The following CEP112 variants were observed in gnomAD, a reference collection of about 807,000 sequenced individuals.
CEP112 encodes the protein centrosomal protein 112.
Under a neutral mutation model 153.0 loss-of-function variants are expected in CEP112, and 127 were observed. That is an observed-to-expected ratio of 0.83 (90% confidence interval 0.72 to 0.96). The LOEUF (loss-of-function observed/expected upper bound fraction) is 0.96, where lower values mean the gene tolerates loss of function less well. Ranked by LOEUF, CEP112 falls within the 40% of genes least tolerant of loss-of-function variation. The pLI is 0.00. For synonymous variants in CEP112, 358 were observed against 374.4 expected, an observed-to-expected ratio of 0.96 and a Z score of 0.51; for missense variants, 1,089 against 1,101.2, an observed-to-expected ratio of 0.99 and a Z score of 0.16.
At position 65,851,911 on chromosome 17, in the gene CEP112, T is replaced by C. The variant is rs1377635378; in HGVS notation, c.2287A>G (p.Thr763Ala). ...TTGACGACAATCTCATGTTCCCTTG[T>C]AGCCCTTTGCTTTTCCTCTTCACGA... ...LLREEEKQRATREHEIVVNKL... is the reference protein window; with the variant it reads ...LLREEEKQRAAREHEIVVNKL... Residue 763 changes from threonine (T) to alanine (A), a missense_variant, in exon 21 of 27, where the codon ACA becomes GCA. Thr to Ala is a moderately conservative substitution (Grantham distance 58). Coordinates refer to ENST00000535342, the MANE Select transcript of CEP112 (RefSeq NM_001199165.4). 3 of 1,614,192 alleles carry C rather than the reference T, an allele frequency of 1.9e-6. No individual in the cohort carries two copies. The highest frequency in any genetic ancestry group is 1.1e-5 in the South Asian group (1 of 91,086).
At chr17:65,783,775 C>T (rs920842113) in intron 21 of CEP112, among the ~76,000 whole-genome samples, 1 of 152,138 alleles carries the variant, frequency 6.6e-6, no homozygotes, top group Non-Finnish European at 1.5e-5. Context: ...GGCTCTGTTG[C>T]TTTATAGTTG....
At chr17:65,700,335 A>G (rs2048568251) in intron 23 of CEP112, among the ~76,000 whole-genome samples, 2 of 152,192 alleles carry the variant, frequency 1.3e-5, no homozygotes, top group South Asian at 4.1e-4. Flanking sequence ...GAACTATTAC[A>G]ATACCACATG....
intron 20 of CEP112, among the ~76,000 whole-genome samples, chr17:65,901,914 T>C (rs1225724843): frequency 1.5e-5 from 2 of 134,606 alleles, no homozygotes; most frequent in Admixed American, 9.0e-5. Context: ...GGCCAAGTTA[T>C]AGCGCGCCAT....
At chr17:66,186,300 G>A (rs778908982) in intron 1 of CEP112, among the ~76,000 whole-genome samples, 10 of 151,790 alleles carry the variant, frequency 6.6e-5, no homozygotes, top group South Asian at 2.1e-4. Context: ...TTTTCGTTTC[G>A]TTTATTTCTT....
At chr17:65,819,813 G>A (rs1598680445) in intron 21 of CEP112, among the ~76,000 whole-genome samples, 1 of 151,968 alleles carries the variant, frequency 6.6e-6, no homozygotes, top group South Asian at 2.1e-4. Flanking sequence ...GAAAGACAGG[G>A]GAGGTGTCAT....
intron 18 of CEP112, among the ~76,000 whole-genome samples, chr17:65,934,816 TG>T (rs1368600880): frequency 6.6e-6 from 1 of 152,204 alleles, no homozygotes; most frequent in Non-Finnish European, 1.5e-5. Flanking sequence ...GGGCAATTTA[TG>T]AAGGAAAGAC....
intron 21 of CEP112, among the ~76,000 whole-genome samples, chr17:65,768,977 T>C (rs562181950): frequency 3.4e-4 from 52 of 152,012 alleles, no homozygotes; most frequent in Non-Finnish European, 6.9e-4. Context: ...TCAAGCTGGA[T>C]AAAAAAGAAG....
intron 17 of CEP112, among the ~76,000 whole-genome samples, chr17:65,969,568 TACAC>T (rs200654011): frequency 0.066 from 10,021 of 152,240 alleles, 479 homozygotes; most frequent in African/African-American, 0.12. Flanking sequence ...GCATGTATAT[TACAC>T]ACAAGTATAC....
intron 24 of CEP112, 68 bp from the exon 25 acceptor site, chr17:65,641,133 C>T: frequency 2.3e-6 from 2 of 855,226 alleles, no homozygotes; most frequent in South Asian, 1.4e-5. Flanking sequence ...TTAAGAAGTC[C>T]CAGAACAGAT....
intron 24 of CEP112, among the ~76,000 whole-genome samples, chr17:65,678,683 A>C (rs931852423): frequency 3.3e-5 from 5 of 152,164 alleles, no homozygotes; most frequent in Non-Finnish European, 5.9e-5. Context: ...GTCAGTATTC[A>C]TTGCAGGGAC....
At chr17:66,105,781 A>G (rs1362055665) in intron 6 of CEP112, among the ~76,000 whole-genome samples, 1 of 152,170 alleles carries the variant, frequency 6.6e-6, no homozygotes, top group African/African-American at 2.4e-5. Flanking sequence ...TAACAGAGCC[A>G]GACCCCATCT....
At chr17:65,736,090 T>C (rs866247132) in intron 23 of CEP112, among the ~76,000 whole-genome samples, 4 of 152,230 alleles carry the variant, frequency 2.6e-5, no homozygotes, top group South Asian at 2.1e-4. Flanking sequence ...ATAAGGGTGA[T>C]TGTGCTAGGC....
At chr17:65,783,655 G>A (rs1004479426) in intron 21 of CEP112, among the ~76,000 whole-genome samples, 5 of 152,098 alleles carry the variant, frequency 3.3e-5, no homozygotes, top group South Asian at 2.1e-4. Context: ...GAATTACTTC[G>A]CCACTTCATT....
chr17:65,641,701 G>A (rs964562133), intron 24 of CEP112, among the ~76,000 whole-genome samples: 7 of 152,168 alleles, frequency 4.6e-5, no homozygotes, highest in East Asian at 3.9e-4. Context: ...AGCCAAGATC[G>A]GGCCACTGCA....
intron 20 of CEP112, among the ~76,000 whole-genome samples, chr17:65,852,331 TTCCC>T (rs142855916): frequency 0.13 from 9,050 of 68,480 alleles, 989 homozygotes; most frequent in Non-Finnish European, 0.16. Flanking sequence ...TTCCCTTTCC[TTCCC>T]TCCCTCCCTC....
At chr17:65,886,887 A>C (rs550425859) in intron 20 of CEP112, among the ~76,000 whole-genome samples, 1 of 152,302 alleles carries the variant, frequency 6.6e-6, no homozygotes, top group South Asian at 2.1e-4. Context: ...CTATAATATA[A>C]CATTAATGCT....
chr17:65,635,567 T>C lies in CEP112; in HGVS notation c.*404A>G, dbSNP rs974610904. On this transcript the variant is annotated 3_prime_UTR_variant, in exon 27 of 27. Transcript: ENST00000535342. ...AGTACAAAATAATATTTTAATAACA[T>C]AGGAACATGAACATGAAAACAATGT... is the stretch of plus-strand genomic sequence containing the variant. 1.7e-4 allele frequency: 35 copies of C among 200,222 alleles called. No individual in the cohort carries two copies. Among genetic ancestry groups the C allele is most frequent in the African/African-American group, 7.6e-4 (33 of 43,516 alleles). 12.4% of individuals were successfully genotyped at this position (200,222 alleles called of 1,614,324 possible). A position where few individuals can be genotyped will look rare whatever the true frequency, so the allele number is the denominator to read the frequency against.
intron 17 of CEP112, among the ~76,000 whole-genome samples, chr17:65,994,156 T>C (rs1211612630): frequency 1.3e-5 from 2 of 152,086 alleles, no homozygotes; most frequent in Non-Finnish European, 1.5e-5. Flanking sequence ...TAATCTGAGA[T>C]GAAATAAACA....
intron 21 of CEP112, among the ~76,000 whole-genome samples, chr17:65,842,690 C>T (rs571580706): frequency 6.6e-5 from 10 of 152,208 alleles, no homozygotes; most frequent in East Asian, 3.9e-4. Context: ...CACTGTGATA[C>T]GAGTGCCTCA....
Sources: gnomAD v4.1 joint callset for allele counts (sites outside exome capture counted in the v4.1 genomes callset) on GRCh38, gnomAD v4.1.1 for gene constraint, MANE v1.5 for transcripts, NCBI Gene and HGNC (gene_info 2026-07-23, HGNC 2026-07-21) for gene names.